EPCAM: variants seen among roughly 807,000 people sequenced by gnomAD.
EPCAM encodes epithelial cell adhesion molecule, also known as adenocarcinoma-associated antigen.
In EPCAM, 39 loss-of-function variants were observed where a neutral mutation model predicts 40.0. That is an observed-to-expected ratio of 0.98 (90% confidence interval 0.76 to 1.27). EPCAM has a LOEUF of 1.27. Ranked by LOEUF, EPCAM falls within the 50% of genes most tolerant of loss-of-function variation. The pLI is 0.00. For synonymous variants in EPCAM, 168 were observed against 132.3 expected, an observed-to-expected ratio of 1.27 and a Z score of -1.85; for missense variants, 503 against 381.2, an observed-to-expected ratio of 1.32 and a Z score of -2.66.
At chr2:47,375,055 T>C (rs1423785109) in intron 3 of EPCAM, among the ~76,000 whole-genome samples, 179 bp from the exon 4 acceptor site, 1 of 152,212 alleles carries the variant, frequency 6.6e-6, no homozygotes, top group Non-Finnish European at 1.5e-5. Context: ...AGAAAAGGTG[T>C]TCCCTCCTGG....
chr2:47,380,333 G>C (rs973686575), intron 7 of EPCAM, among the ~76,000 whole-genome samples: 4 of 151,952 alleles, frequency 2.6e-5, no homozygotes, highest in Non-Finnish European at 5.9e-5. Context: ...AAGAAAAAAG[G>C]AAATATGAAA....
intron 7 of EPCAM, 103 bp downstream of exon 7, chr2:47,380,072 T>C: frequency 6.5e-7 from 1 of 1,534,970 alleles, no homozygotes; most frequent in Non-Finnish European, 8.8e-7. Flanking sequence ...TCCCTACACT[T>C]TGGGAGGCTG....
At chr2:47,371,428 C>A (rs187304836) in intron 1 of EPCAM, among the ~76,000 whole-genome samples, 1 of 152,190 alleles carries the variant, frequency 6.6e-6, no homozygotes, top group Admixed American at 6.6e-5. Flanking sequence ...TCCGGCATCT[C>A]TTGGTTTATT....
intron 1 of EPCAM, among the ~76,000 whole-genome samples, chr2:47,372,348 G>T (rs542299344): frequency 6.6e-6 from 1 of 152,128 alleles, no homozygotes; most frequent in East Asian, 1.9e-4. Flanking sequence ...TGTAAAAGAG[G>T]CGGTGACAGC....
rs910633827 is a variant in EPCAM, at chr2:47,373,679, T to G, written c.184+109T>G. The G allele has an allele frequency of 3.6e-5, 52 of 1,461,414 alleles. 2 individuals carry two copies. Among genetic ancestry groups the G allele is most frequent in the East Asian group, 1.2e-4 (5 of 42,832 alleles). 90.5% of individuals were successfully genotyped at this position (1,461,414 alleles called of 1,614,324 possible). On this transcript the variant is annotated intron_variant, in intron 2 of 8. Coordinates refer to ENST00000263735, the MANE Select transcript of EPCAM (RefSeq NM_002354.3). The stretch of plus-strand genomic sequence containing the variant: ...TTATTGGCTTAAATCTGAATCATGT[T>G]ACAAAGTAAGTGTGGGAACACATAA...
At chr2:47,375,192 G>T in intron 3 of EPCAM, 42 bp from the exon 4 acceptor site, 1 of 1,412,810 alleles carries the variant, frequency 7.1e-7, no homozygotes, top group South Asian at 1.2e-5. Flanking sequence ...TAGTATGGAA[G>T]ACTGAGTTAT....
chr2:47,369,783 C>T, intron 1 of EPCAM: 2 of 700,326 alleles, frequency 2.9e-6, no homozygotes, highest in Admixed American at 2.0e-5. Context: ...CGGGGAGCAG[C>T]CTCACTTCGC....
chr2:47,373,789 A>T lies in EPCAM; in HGVS notation c.185-19A>T. ...GAAATCAGTTATTTTTCAGTTTGGCATTAAGGTTTCTTTTTCAGTGGCTGC... is the reference window on the plus strand; with the variant it reads ...GAAATCAGTTATTTTTCAGTTTGGCTTTAAGGTTTCTTTTTCAGTGGCTGC... On this transcript the variant is annotated intron_variant, in intron 2 of 8. Coordinates refer to ENST00000263735, the MANE Select transcript of EPCAM (RefSeq NM_002354.3). The T allele has an allele frequency of 6.2e-7, 1 of 1,613,924 alleles. No homozygotes were observed. The highest frequency in any genetic ancestry group is 8.5e-7 in the Non-Finnish European group (1 of 1,179,958).
chr2:47,385,973 G>A (rs1294336165), intron 8 of EPCAM, among the ~76,000 whole-genome samples: 2 of 152,190 alleles, frequency 1.3e-5, no homozygotes, highest in Non-Finnish European at 2.9e-5. Context: ...GTGCAGAGCA[G>A]TACAGACCTG....
chr2:47,370,771 C>T (rs748291798), intron 1 of EPCAM, among the ~76,000 whole-genome samples: 14 of 151,958 alleles, frequency 9.2e-5, no homozygotes, highest in Non-Finnish European at 1.6e-4. Flanking sequence ...GCTCTTGTTG[C>T]CCAGGCTGGA....
intron 5 of EPCAM, chr2:47,377,853 G>C (rs1671466982): frequency 2.3e-6 from 1 of 426,352 alleles, no homozygotes; most frequent in Admixed American, 3.4e-5. Flanking sequence ...ATAAAAAGAA[G>C]CTTGAATAGT....
chr2:47,369,823 C>T (rs1454369601), intron 1 of EPCAM: 2 of 647,440 alleles, frequency 3.1e-6, no homozygotes, highest in Middle Eastern at 2.5e-4. Flanking sequence ...GGGAAATGGC[C>T]TTGGGCGGAG....
At chr2:47,381,352 A>G (rs1021401542) in intron 7 of EPCAM, among the ~76,000 whole-genome samples, 2 of 142,106 alleles carry the variant, frequency 1.4e-5, no homozygotes, top group African/African-American at 5.3e-5. Flanking sequence ...AGATCATGCC[A>G]TTGCACTCCA....
intron 4 of EPCAM, among the ~76,000 whole-genome samples, chr2:47,375,842 A>C (rs2103751133): frequency 6.6e-6 from 1 of 151,728 alleles, no homozygotes; most frequent in East Asian, 1.9e-4. Context: ...AGTAGCTGGG[A>C]CTACAGGTGC....
In EPCAM at chr2:47,369,483, C is replaced by T. The variant is rs1473074692; in HGVS notation, c.-23C>T. 7 of 1,518,974 alleles carry T rather than the reference C, an allele frequency of 4.6e-6. No homozygotes were observed. The Middle Eastern group carries it at 7.0e-4, about 152-fold the overall frequency. The allele number at this position is 1,518,974 out of a possible 1,614,324, so 94.1% of individuals were successfully genotyped here. ...GCGAGTCCCGGGCCCCTCCCGCGCC[C>T]CTCTTCTCGGCGCGCGCGCAGCATG... On this transcript the variant is annotated 5_prime_UTR_variant, in exon 1 of 9. Coordinates refer to ENST00000263735, the MANE Select transcript of EPCAM (RefSeq NM_002354.3).
At position 47,379,820 on chromosome 2, in the gene EPCAM, G is replaced by A. The variant is rs752696226; in HGVS notation, c.709G>A (p.Gly237Arg). 2.5e-6 allele frequency: 4 copies of A among 1,613,990 alleles called. No homozygotes were observed. The highest frequency in any genetic ancestry group is 3.4e-6 in the Non-Finnish European group (4 of 1,179,992). ...TAAGAAAATGGACCTGACAGTAAAT[G>A]GGGAACAACTGGATCTGGATCCTGG... Reference protein sequence around the residue: ...HSKKMDLTVNGEQLDLDPGQT... With the variant: ...HSKKMDLTVNREQLDLDPGQT... Residue 237 changes from glycine to arginine, a missense_variant, in exon 7 of 9, where the codon GGG becomes AGG. By Grantham distance (125) the Gly-to-Arg change is moderately radical (BLOSUM62 -2). Transcript: ENST00000263735.
intron 7 of EPCAM, 26 bp downstream of exon 7, chr2:47,379,995 A>G: frequency 6.3e-7 from 1 of 1,584,808 alleles, no homozygotes; most frequent in Non-Finnish European, 8.6e-7. Context: ...GTAAAATTTC[A>G]TTTAAGGGTA....
At chr2:47,380,120 A>G (rs537391161) in intron 7 of EPCAM, 151 bp downstream of exon 7, 278 of 1,276,522 alleles carry the variant, frequency 2.2e-4, no homozygotes, top group Non-Finnish European at 3.0e-4. Context: ...GTTTGAGACC[A>G]CACTGGGCAA....
At chr2:47,371,815 A>T (rs1671277783) in intron 1 of EPCAM, among the ~76,000 whole-genome samples, 1 of 152,166 alleles carries the variant, frequency 6.6e-6, no homozygotes, top group Non-Finnish European at 1.5e-5. Flanking sequence ...TGTTGGGCAG[A>T]TTAAAGGTGG....
Sources: gnomAD v4.1 joint callset for allele counts (sites outside exome capture counted in the v4.1 genomes callset) on GRCh38, gnomAD v4.1.1 for gene constraint, MANE v1.5 for transcripts, NCBI Gene and HGNC (gene_info 2026-07-23, HGNC 2026-07-21) for gene names.